The following ADAMTS17 variants were observed in gnomAD, a reference collection of about 807,000 sequenced individuals.
ADAMTS17 encodes A disintegrin and metalloproteinase with thrombospondin motifs 17.
In ADAMTS17, 113 loss-of-function variants were observed where a neutral mutation model predicts 141.5. The observed-to-expected ratio is 0.80, with a 90% CI of 0.69 to 0.93. The LOEUF is 0.93. Among genes scored for constraint, ADAMTS17 ranks in the 40% least tolerant of loss-of-function variants. The probability of loss-of-function intolerance (pLI) is 0.00; values close to 1 mark genes in which losing one functional copy is unlikely to be tolerated. For synonymous variants in ADAMTS17, 768 were observed against 630.6 expected (o/e 1.22, Z -3.27); for missense variants, 1,659 against 1,517.9 (o/e 1.09, Z -1.54).
chr15:100,275,055 G>A (rs965983046), intron 4 of ADAMTS17, among the ~76,000 whole-genome samples: 2 of 152,142 alleles, frequency 1.3e-5, no homozygotes, highest in Non-Finnish European at 2.9e-5. Context: ...GAAAGAGCAG[G>A]CTTTTATGTT....
At chr15:100,244,433 C>G (rs1401416871) in intron 7 of ADAMTS17, among the ~76,000 whole-genome samples, 1 of 150,744 alleles carries the variant, frequency 6.6e-6, no homozygotes, top group Non-Finnish European at 1.5e-5. Context: ...GTGTCCCCAC[C>G]CAAATCTCAT....
intron 15 of ADAMTS17, among the ~76,000 whole-genome samples, chr15:100,093,618 AC>A (rs1409447035): frequency 6.6e-6 from 1 of 151,280 alleles, no homozygotes; most frequent in African/African-American, 2.4e-5. Flanking sequence ...TCCTCCCCCT[AC>A]CCCCACTATC....
chr15:100,174,453 T>G (rs1377469211), intron 8 of ADAMTS17, among the ~76,000 whole-genome samples: 1 of 152,252 alleles, frequency 6.6e-6, no homozygotes, highest in Non-Finnish European at 1.5e-5. Context: ...TTGTACAGAT[T>G]CACTGTTTTT....
At chr15:100,338,524 G>C (rs1415105321) in intron 2 of ADAMTS17, among the ~76,000 whole-genome samples, 1 of 152,204 alleles carries the variant, frequency 6.6e-6, no homozygotes, top group African/African-American at 2.4e-5. Flanking sequence ...CGTAGCTGTA[G>C]CTGCTTTCAC....
chr15:100,090,324 G>A (rs1317756171), intron 15 of ADAMTS17, among the ~76,000 whole-genome samples: 1 of 152,180 alleles, frequency 6.6e-6, no homozygotes, highest in Non-Finnish European at 1.5e-5. Flanking sequence ...CCGCTTGTGG[G>A]GGATGAGCTG....
intron 15 of ADAMTS17, among the ~76,000 whole-genome samples, chr15:100,064,050 G>A (rs1235476136): frequency 6.6e-6 from 1 of 152,164 alleles, no homozygotes; most frequent in Non-Finnish European, 1.5e-5. Flanking sequence ...TGTGACCACT[G>A]CAGACATATT....
intron 15 of ADAMTS17, among the ~76,000 whole-genome samples, chr15:100,059,738 A>C (rs546573933): frequency 6.8e-4 from 103 of 152,314 alleles, no homozygotes; most frequent in African/African-American, 2.2e-3. Context: ...CTTCTGTGGC[A>C]GCTTGGGTTG....
intron 3 of ADAMTS17, among the ~76,000 whole-genome samples, chr15:100,322,449 A>G (rs1043065090): frequency 1.3e-5 from 2 of 152,234 alleles, no homozygotes; most frequent in African/African-American, 4.8e-5. Flanking sequence ...GAGTCCAACA[A>G]AATTAATTGC....
chr15:100,140,841 G>A (rs1040132044), intron 10 of ADAMTS17, among the ~76,000 whole-genome samples: 13 of 152,172 alleles, frequency 8.5e-5, no homozygotes, highest in East Asian at 5.8e-4. Context: ...GAGATGGGGC[G>A]CTCTGTGCTC....
chr15:100,233,578 C>T (rs1211362076), intron 7 of ADAMTS17, among the ~76,000 whole-genome samples: 1 of 152,070 alleles, frequency 6.6e-6, no homozygotes, highest in South Asian at 2.1e-4. Flanking sequence ...CATGTGCAGT[C>T]GATGGGAACA....
intron 8 of ADAMTS17, among the ~76,000 whole-genome samples, chr15:100,194,822 G>GC (rs35145592): frequency 6.6e-6 from 1 of 152,100 alleles, no homozygotes; most frequent in East Asian, 1.9e-4. Context: ...TCAAGGAACT[G>GC]CCCCCCATTC....
At chr15:99,976,338 C>T in intron 20 of ADAMTS17, 116 bp from the exon 21 acceptor site, 1 of 1,337,896 alleles carries the variant, frequency 7.5e-7, no homozygotes, top group Non-Finnish European at 1.0e-6. Flanking sequence ...TACACGAGGT[C>T]AGGGGGCTGG....
At chr15:100,051,798 G>GCA (rs1397851687) in intron 16 of ADAMTS17, 67 bp from the exon 17 acceptor site, 25 of 1,579,360 alleles carry the variant, frequency 1.6e-5, no homozygotes, top group Non-Finnish European at 2.1e-5. Context: ...TGCCGAATCT[G>GCA]CACACACAGG....
At chr15:100,274,475 T>C (rs2044013727) in intron 4 of ADAMTS17, among the ~76,000 whole-genome samples, 1 of 152,198 alleles carries the variant, frequency 6.6e-6, no homozygotes, top group East Asian at 1.9e-4. Context: ...GTGATGTTAG[T>C]ATAGCTACTC....
chr15:100,043,336 C>T (rs1335986806), intron 18 of ADAMTS17, among the ~76,000 whole-genome samples: 1 of 152,094 alleles, frequency 6.6e-6, no homozygotes, highest in African/African-American at 2.4e-5. Flanking sequence ...ATTTTACAGT[C>T]AGGAAGGGAG....
chr15:100,146,827 C>T (rs1234138876), intron 10 of ADAMTS17, among the ~76,000 whole-genome samples: 4 of 68,678 alleles, frequency 5.8e-5, no homozygotes, highest in African/African-American at 1.6e-4. Flanking sequence ...GTCGAGACTG[C>T]AGAGGTGAAA....
rs1439107198 is a variant in ADAMTS17, at chr15:100,273,500, C to T, written c.789+7729G>A. Among the ~76,000 whole-genome samples the T allele has an allele frequency of 3.9e-5, 6 of 152,086 alleles. No individual in the cohort carries two copies. In the East Asian group the frequency reaches 1.2e-3, roughly 29 times the overall value. ...TGTTAACATGCAATGGTCCATAGTA[C>T]TCTCTTATAATCCTTTTTATTTCTG... On this transcript the variant is annotated intron_variant, in intron 4 of 21. Transcript: ENST00000268070.
chr15:100,065,861 T>TC (rs1380754289), intron 15 of ADAMTS17, among the ~76,000 whole-genome samples: 3 of 152,214 alleles, frequency 2.0e-5, no homozygotes, highest in African/African-American at 7.2e-5. Flanking sequence ...CCTAATGCTC[T>TC]CCCTCCCCTT....
rs373164234 is a variant in ADAMTS17 at position 99,993,702 on chromosome 15, A to AGGC, written c.2797-505_2797-503dup. Among the ~76,000 whole-genome samples, 254 of 152,254 alleles carry AGGC rather than the reference A, an allele frequency of 1.7e-3. 1 individual carries two copies. Among genetic ancestry groups the AGGC allele is most frequent in the African/African-American group, 5.7e-3 (238 of 41,534 alleles). On this transcript the variant is annotated intron_variant, in intron 19 of 21. Coordinates refer to ENST00000268070, the MANE Select transcript of ADAMTS17 (RefSeq NM_139057.4). This position sits in a 1 kb window ranked among gnomAD's most constrained non-coding sequence, Gnocchi z 4.3. ...CGATCCAGCCGGGAGAAGGAGGAGG[A>AGGC]GGCGGCAGAAGGAAGGAAAAGCCAC...
Sources: allele counts gnomAD v4.1 joint callset (sites outside exome capture counted in the v4.1 genomes callset), GRCh38; gene constraint gnomAD v4.1.1; non-coding constraint Gnocchi (gnomAD v3.1); transcripts MANE v1.5; gene names NCBI Gene and HGNC (gene_info 2026-07-23, HGNC 2026-07-21).